SPON1: variants seen among roughly 807,000 people sequenced by gnomAD.
The protein encoded by SPON1 is spondin-1.
A neutral mutation model predicts 111.7 loss-of-function variants in SPON1; 52 were observed. The ratio of observed to expected loss-of-function variants is 0.47; its 90% CI spans 0.37 to 0.59. The LOEUF (loss-of-function observed/expected upper bound fraction) is 0.59, where lower values mean the gene tolerates loss of function less well. SPON1 is among the 20% of genes least tolerant of loss of function. The probability of loss-of-function intolerance (pLI) is 0.00; values close to 1 mark genes in which losing one functional copy is unlikely to be tolerated. For synonymous variants in SPON1, 410 were observed against 395.8 expected (o/e 1.04, Z -0.43); for missense variants, 957 against 1,068.5 (o/e 0.90, Z 1.46).
chr11:14,262,726 C>A lies in SPON1; in HGVS notation c.2011C>A (p.Leu671Ile). The A allele has an allele frequency of 1.2e-6, 2 of 1,613,894 alleles. No individual in the cohort carries two copies. Among genetic ancestry groups the A allele is most frequent in the Non-Finnish European group, 1.7e-6 (2 of 1,179,876 alleles). ...MLPECPIDCE[L>I]TEWSQWSECN... ...TGTCTTGCCAGCCATTGACTGTGAG[C>A]TCACCGAGTGGTCCCAGTGGTCGGA... Residue 671 changes from leucine to isoleucine, a missense_variant, in exon 15 of 16, where the codon CTC becomes ATC. Leu to Ile is a conservative substitution (Grantham distance 5). Coordinates refer to ENST00000576479, the MANE Select transcript of SPON1 (RefSeq NM_006108.4).
chr11:14,111,116 A>G (rs1432724173), intron 5 of SPON1, among the ~76,000 whole-genome samples: 1 of 152,242 alleles, frequency 6.6e-6, no homozygotes, highest in Non-Finnish European at 1.5e-5. Flanking sequence ...TAAAATCTAT[A>G]TTAGTTAAAT....
chr11:14,203,894 A>AAT (rs2133898205), intron 6 of SPON1, among the ~76,000 whole-genome samples: 2 of 152,146 alleles, frequency 1.3e-5, no homozygotes, highest in South Asian at 4.1e-4. Context: ...AACATACAGA[A>AAT]CTTGTCTTCT....
At chr11:14,169,121 G>C (rs1460962473) in intron 6 of SPON1, among the ~76,000 whole-genome samples, 1 of 152,210 alleles carries the variant, frequency 6.6e-6, no homozygotes, top group Non-Finnish European at 1.5e-5. Flanking sequence ...CTCACCAATA[G>C]TGTGAAAGTG....
intron 2 of SPON1, among the ~76,000 whole-genome samples, chr11:14,019,406 A>T (rs1488272249): frequency 1.3e-5 from 2 of 150,152 alleles, no homozygotes; most frequent in East Asian, 3.9e-4. Context: ...TAAATATACA[A>T]TGTATATAAA....
chr11:14,031,899 C>G (rs2133808907), intron 2 of SPON1, among the ~76,000 whole-genome samples: 1 of 152,246 alleles, frequency 6.6e-6, no homozygotes, highest in South Asian at 2.1e-4. Context: ...TCAGGTTTTA[C>G]TGAAGTAGTT....
At chr11:14,065,906 T>A (rs1848828988) in intron 3 of SPON1, among the ~76,000 whole-genome samples, 1 of 152,172 alleles carries the variant, frequency 6.6e-6, no homozygotes, top group East Asian at 1.9e-4. Context: ...AGGAATGCAA[T>A]GATGAATAAG....
intron 5 of SPON1, among the ~76,000 whole-genome samples, chr11:14,097,807 A>G (rs1554924023): frequency 6.6e-6 from 1 of 151,634 alleles, no homozygotes; most frequent in African/African-American, 2.4e-5. Flanking sequence ...AAAATAAAAA[A>G]TTAATAATTT....
At chr11:13,978,779 A>G (rs2697845) in intron 1 of SPON1, among the ~76,000 whole-genome samples, 152,037 of 152,274 alleles carry the variant, frequency 1, 75,901 homozygotes, top group Middle Eastern at 1. Flanking sequence ...TGAGTAGCTC[A>G]TGAAAAAATA....
intron 2 of SPON1, among the ~76,000 whole-genome samples, chr11:14,015,447 A>G (rs573686889): frequency 1.3e-5 from 2 of 152,260 alleles, no homozygotes; most frequent in African/African-American, 4.8e-5. Flanking sequence ...TCATGACTTA[A>G]TCACCTCCTA....
In SPON1 at chr11:14,266,361, T is replaced by C. The variant is rs1326474259; in HGVS notation, c.*674T>C. 5 of 152,126 alleles carry C rather than the reference T, an allele frequency of 3.3e-5. No individual in the cohort carries two copies. Among genetic ancestry groups the C allele is most frequent in the African/African-American group, 7.2e-5 (3 of 41,400 alleles). 9.4% of individuals were successfully genotyped at this position (152,126 alleles called of 1,614,324 possible). ...AAATTATGGCTGCTTTATTTAAATA[T>C]AAGGTAGCTAGTTTTTACACCTGAG... On this transcript the variant is annotated 3_prime_UTR_variant, in exon 16 of 16. Coordinates refer to ENST00000576479, the MANE Select transcript of SPON1 (RefSeq NM_006108.4).
intron 6 of SPON1, among the ~76,000 whole-genome samples, chr11:14,211,396 T>G (rs1848575828): frequency 6.6e-6 from 1 of 151,980 alleles, no homozygotes; most frequent in African/African-American, 2.4e-5. Context: ...ACAAAGAGAA[T>G]AAAATACCTA....
chr11:14,124,397 C>T (rs1554926828), intron 5 of SPON1, among the ~76,000 whole-genome samples: 1 of 152,250 alleles, frequency 6.6e-6, no homozygotes, highest in Non-Finnish European at 1.5e-5. Flanking sequence ...CTGGAACCAT[C>T]TGGGTTAAGT....
chr11:14,124,784 C>T (rs184081181), intron 5 of SPON1, among the ~76,000 whole-genome samples: 1 of 152,278 alleles, frequency 6.6e-6, no homozygotes, highest in East Asian at 1.9e-4. Context: ...TGGACTAGCA[C>T]ATAGTATAAT....
intron 2 of SPON1, among the ~76,000 whole-genome samples, chr11:14,010,839 G>A (rs893612172): frequency 6.6e-6 from 1 of 152,206 alleles, no homozygotes; most frequent in Non-Finnish European, 1.5e-5. Flanking sequence ...CAGCTTGTCC[G>A]GAGCTTGAAG....
chr11:14,073,726 T>C (rs147020670), intron 3 of SPON1, among the ~76,000 whole-genome samples: 89 of 152,346 alleles, frequency 5.8e-4, no homozygotes, highest in African/African-American at 2.0e-3. Context: ...GGTTTGGTTA[T>C]TTGATACTTT....
intron 2 of SPON1, among the ~76,000 whole-genome samples, chr11:14,026,659 A>C (rs1455670659): frequency 6.6e-6 from 1 of 152,218 alleles, no homozygotes; most frequent in Non-Finnish European, 1.5e-5. Context: ...AACAAGCTTC[A>C]GGGTTAAGGA....
chr11:14,265,748 TTTGC>T lies in SPON1; in HGVS notation c.*65_*68del. The T allele has an allele frequency of 1.3e-6, 2 of 1,555,412 alleles. No homozygotes were observed. The highest frequency in any genetic ancestry group is 1.9e-5 in the Admixed American group (1 of 52,954). On this transcript the variant is annotated 3_prime_UTR_variant, in exon 16 of 16. Coordinates refer to ENST00000576479, the MANE Select transcript of SPON1 (RefSeq NM_006108.4). ...TCCAGAGTCACCAATGGCTGGATTATTTGCTTGTTTAAGACAATTTAAATTGTGT... is the reference window on the plus strand; with the variant it reads ...TCCAGAGTCACCAATGGCTGGATTATTTGTTTAAGACAATTTAAATTGTGT...
intron 6 of SPON1, among the ~76,000 whole-genome samples, chr11:14,143,722 G>C (rs552812587): frequency 1.3e-5 from 2 of 152,310 alleles, no homozygotes; most frequent in African/African-American, 2.4e-5. Flanking sequence ...GCACTGAAGA[G>C]AGAAGAAGTT....
intron 6 of SPON1, among the ~76,000 whole-genome samples, chr11:14,226,098 T>C (rs1554938113): frequency 6.6e-6 from 1 of 152,210 alleles, no homozygotes; most frequent in Non-Finnish European, 1.5e-5. Flanking sequence ...CAACTCTAAG[T>C]GTTTGAGTTC....
Sources: allele counts gnomAD v4.1 joint callset (sites outside exome capture counted in the v4.1 genomes callset), GRCh38; gene constraint gnomAD v4.1.1; transcripts MANE v1.5; gene names NCBI Gene and HGNC (gene_info 2026-07-23, HGNC 2026-07-21).